GLRA3: variants seen among roughly 807,000 people sequenced by gnomAD.
GLRA3 encodes glycine receptor subunit alpha-3.
In GLRA3, 44 loss-of-function variants were observed where a neutral mutation model predicts 60.4. That is an observed-to-expected ratio of 0.73 (90% CI 0.57 to 0.94). The LOEUF (loss-of-function observed/expected upper bound fraction) is 0.94, where lower values mean the gene tolerates loss of function less well. GLRA3 is among the 40% of genes least tolerant of loss of function. The pLI, the probability that GLRA3 is intolerant of heterozygous loss-of-function variation, is 0.00. For synonymous variants in GLRA3, 223 were observed against 192.9 expected (o/e 1.16, Z -1.29); for missense variants, 508 against 564.6 (o/e 0.90, Z 1.02).
chr4:174,795,545 G>C (rs1054957011), intron 1 of GLRA3, among the ~76,000 whole-genome samples: 2 of 152,034 alleles, frequency 1.3e-5, no homozygotes, highest in Non-Finnish European at 2.9e-5. Flanking sequence ...TGTTTTTAAA[G>C]TACAATACAC....
intron 2 of GLRA3, among the ~76,000 whole-genome samples, chr4:174,773,512 T>C (rs6836648): frequency 0.74 from 111,681 of 151,902 alleles, 41,368 homozygotes; most frequent in East Asian, 1. Context: ...ACTAAGGAAG[T>C]TTTCAGGGAG....
chr4:174,825,205 A>G (rs1740918753), intron 1 of GLRA3, among the ~76,000 whole-genome samples: 3 of 152,194 alleles, frequency 2.0e-5, no homozygotes, highest in African/African-American at 2.4e-5. Context: ...CTACACCTCC[A>G]TGTAGTAAAT....
chr4:174,821,227 AG>A lies in GLRA3; in HGVS notation c.71+7513del, dbSNP rs200990052. 5.9e-3 allele frequency among the ~76,000 whole-genome samples: 904 copies of A among 152,326 alleles called. 6 individuals are homozygous for A. The highest frequency in any genetic ancestry group is 6.8e-3 in the Non-Finnish European group (463 of 68,020). On this transcript the variant is annotated intron_variant, in intron 1 of 9. Coordinates refer to ENST00000274093, the MANE Select transcript of GLRA3 (RefSeq NM_006529.4). ...AGCAGCAGTGTCATGGAGAAAGTCC[AG>A]TGGCTTCTTGGAACTATATGCATTT...
At chr4:174,755,399 G>T (rs1407247583) in intron 3 of GLRA3, among the ~76,000 whole-genome samples, 2 of 151,822 alleles carry the variant, frequency 1.3e-5, no homozygotes, top group Admixed American at 1.3e-4. Context: ...AAAAGAAAAA[G>T]GATACTTAAA....
chr4:174,642,412 C>G lies in GLRA3; in HGVS notation c.*1374G>C. On this transcript the variant is annotated 3_prime_UTR_variant, in exon 10 of 10. Coordinates refer to ENST00000274093, the MANE Select transcript of GLRA3 (RefSeq NM_006529.4). ...ACCAATAATTAAAATACCTAAAAAG[C>G]ATTCCAAAGCTTTTCCAAATAAATT... 1 of 963,168 alleles carries G rather than the reference C, an allele frequency of 1.0e-6. No homozygotes were observed. The highest frequency in any genetic ancestry group is 1.2e-6 in the Non-Finnish European group (1 of 809,826). The allele number at this position is 963,168 out of a possible 1,614,324, so 59.7% of individuals were successfully genotyped here.
At chr4:174,659,544 T>A (rs1269246845) in intron 7 of GLRA3, among the ~76,000 whole-genome samples, 2 of 152,156 alleles carry the variant, frequency 1.3e-5, no homozygotes, top group East Asian at 3.8e-4. Flanking sequence ...TTCATCAATT[T>A]TTTTAAAAAA....
At chr4:174,688,341 A>G (rs1734635627) in intron 5 of GLRA3, among the ~76,000 whole-genome samples, 1 of 125,744 alleles carries the variant, frequency 8.0e-6, no homozygotes, top group African/African-American at 3.0e-5. Context: ...ATATATATAT[A>G]TATATATATA....
At chr4:174,762,899 C>T (rs1452951854) in intron 3 of GLRA3, among the ~76,000 whole-genome samples, 7 of 152,106 alleles carry the variant, frequency 4.6e-5, no homozygotes, top group Non-Finnish European at 8.8e-5. Context: ...TACCAACCAC[C>T]TCCCACCCCT....
chr4:174,678,205 C>T (rs975970608), intron 6 of GLRA3, among the ~76,000 whole-genome samples: 31 of 152,122 alleles, frequency 2.0e-4, no homozygotes, highest in African/African-American at 6.7e-4. Context: ...TATTATTTAC[C>T]TCTATTTTGG....
chr4:174,700,469 C>T (rs1735263796), intron 5 of GLRA3, among the ~76,000 whole-genome samples: 1 of 152,134 alleles, frequency 6.6e-6, no homozygotes, highest in East Asian at 1.9e-4. Context: ...GTGCTACAAA[C>T]TACCTCCCTA....
intron 6 of GLRA3, 86 bp from the exon 7 acceptor site, chr4:174,677,378 G>C: frequency 1.3e-6 from 1 of 757,002 alleles, no homozygotes; most frequent in South Asian, 1.7e-5. Context: ...TTTTTTTTTT[G>C]AGACAGGGTC....
intron 5 of GLRA3, among the ~76,000 whole-genome samples, chr4:174,694,406 A>G (rs1404408429): frequency 1.3e-5 from 2 of 152,218 alleles, no homozygotes; most frequent in Non-Finnish European, 2.9e-5. Context: ...CCACAGTGCA[A>G]TCAAAACAGA....
chr4:174,827,627 A>T (rs532930571), intron 1 of GLRA3, among the ~76,000 whole-genome samples: 13 of 152,118 alleles, frequency 8.5e-5, no homozygotes, highest in Admixed American at 7.8e-4. Flanking sequence ...GGTTAAAAAT[A>T]GTTCAACTTC....
intron 2 of GLRA3, among the ~76,000 whole-genome samples, chr4:174,771,129 G>A (rs2111248239): frequency 6.6e-6 from 1 of 151,614 alleles, no homozygotes; most frequent in East Asian, 1.9e-4. Flanking sequence ...TATACCTAAT[G>A]CTAAATGACG....
At chr4:174,787,776 A>G (rs756180959) in intron 2 of GLRA3, among the ~76,000 whole-genome samples, 18 of 152,074 alleles carry the variant, frequency 1.2e-4, no homozygotes, top group Non-Finnish European at 2.2e-4. Context: ...TTGAAAGCTT[A>G]AAAACAAATC....
In GLRA3 at chr4:174,643,209, A is replaced by G. The variant is rs1732679921; in HGVS notation, c.*577T>C. 2.7e-6 allele frequency: 2 copies of G among 751,030 alleles called. No individual in the cohort carries two copies. Among genetic ancestry groups the G allele is most frequent in the Non-Finnish European group, 1.6e-6 (1 of 617,104 alleles). The allele number at this position is 751,030 out of a possible 1,614,324, so 46.5% of individuals were successfully genotyped here. On this transcript the variant is annotated 3_prime_UTR_variant, in exon 10 of 10. Coordinates refer to ENST00000274093, the MANE Select transcript of GLRA3 (RefSeq NM_006529.4). Reference sequence around the variant, plus strand: ...AATATTCTAAACAATTAAATTTAGTATTCCAAATCATTAAAGTCTTTTAAT... The same window carrying G: ...AATATTCTAAACAATTAAATTTAGTGTTCCAAATCATTAAAGTCTTTTAAT...
chr4:174,774,391 T>C (rs1738512539), intron 2 of GLRA3, among the ~76,000 whole-genome samples: 1 of 152,042 alleles, frequency 6.6e-6, no homozygotes, highest in African/African-American at 2.4e-5. Flanking sequence ...TGTGTGTGTG[T>C]GCATGCATAT....
rs1740169524 is a variant in GLRA3, at chr4:174,809,268, A to G, written c.71+19473T>C. Among the ~76,000 whole-genome samples the G allele has an allele frequency of 3.9e-5, 6 of 152,196 alleles. No homozygotes were observed. The South Asian group carries it at 1.2e-3, about 31-fold the overall frequency. ...TTGCAGCCTGGGAGCCATAGGCTGT[A>G]CCACATAGCCTTGGTGTGCAGTAGG... On this transcript the variant is annotated intron_variant, in intron 1 of 9. Coordinates refer to ENST00000274093, the MANE Select transcript of GLRA3 (RefSeq NM_006529.4).
intron 5 of GLRA3, chr4:174,713,440 A>C (rs963097568): frequency 4.6e-5 from 7 of 152,172 alleles, no homozygotes; most frequent in African/African-American, 1.7e-4. Flanking sequence ...TTAATAACTA[A>C]CATTCTTGGA....
Sources: gnomAD v4.1 joint callset for allele counts (sites outside exome capture counted in the v4.1 genomes callset) on GRCh38, gnomAD v4.1.1 for gene constraint, MANE v1.5 for transcripts, NCBI Gene and HGNC (gene_info 2026-07-23, HGNC 2026-07-21) for gene names.